The following NFIA variants were observed in gnomAD, a reference collection of about 807,000 sequenced individuals.
NFIA encodes the protein nuclear factor 1 A-type.
In NFIA, 8 loss-of-function variants were observed where a neutral mutation model predicts 62.8. The observed-to-expected ratio is 0.13, with a 90% CI of 0.07 to 0.23. NFIA has a LOEUF of 0.23. NFIA is among the 10% of genes least tolerant of loss of function. NFIA has a pLI of 1.00. For missense variants in NFIA, 410 were observed against 642.1 expected (o/e 0.64, Z 3.91); for synonymous variants, 235 against 238.1 (o/e 0.99, Z 0.12).
At chr1:61,085,665 G>A (rs1274230045) in intron 1 of NFIA, among the ~76,000 whole-genome samples, 1 of 151,894 alleles carries the variant, frequency 6.6e-6, no homozygotes, top group Non-Finnish European at 1.5e-5. Flanking sequence ...TTTAAATCAT[G>A]ACTTGAGAAA....
intron 2 of NFIA, among the ~76,000 whole-genome samples, chr1:61,128,158 C>T (rs1301925939): frequency 6.6e-6 from 1 of 151,790 alleles, no homozygotes; most frequent in East Asian, 1.9e-4. Context: ...CCTATGTTGC[C>T]CACGCTGGCT....
intron 1 of NFIA, among the ~76,000 whole-genome samples, chr1:61,084,385 T>C (rs1263319447): frequency 6.6e-6 from 1 of 152,166 alleles, no homozygotes. Flanking sequence ...AGGCCTAGCA[T>C]TAATAATGGA....
chr1:61,193,659 TG>T (rs1348953392), intron 2 of NFIA, among the ~76,000 whole-genome samples: 1 of 152,242 alleles, frequency 6.6e-6, no homozygotes, highest in African/African-American at 2.4e-5. Flanking sequence ...AGGTATATTT[TG>T]CTTCTACCAA....
chr1:61,396,131 C>A (rs939373216), intron 7 of NFIA, among the ~76,000 whole-genome samples: 1 of 152,136 alleles, frequency 6.6e-6, no homozygotes, highest in Non-Finnish European at 1.5e-5. Flanking sequence ...TATAATATGC[C>A]AGGTAGTGGC....
chr1:61,257,667 C>CCGGGGGA (rs1656497418), intron 2 of NFIA, among the ~76,000 whole-genome samples: 1 of 151,490 alleles, frequency 6.6e-6, no homozygotes, highest in Non-Finnish European at 1.5e-5. Flanking sequence ...AGCTTTTTCC[C>CCGGGGGA]CTCTCATGTT....
At chr1:61,386,875 C>T (rs1038063805) in intron 7 of NFIA, among the ~76,000 whole-genome samples, 10 of 152,246 alleles carry the variant, frequency 6.6e-5, no homozygotes, top group Non-Finnish European at 1.0e-4. Flanking sequence ...GCTGGAAGTC[C>T]AAGATTAAGG....
intron 2 of NFIA, among the ~76,000 whole-genome samples, chr1:61,090,291 T>TTA (rs1646298033): frequency 6.6e-6 from 1 of 152,228 alleles, no homozygotes; most frequent in Non-Finnish European, 1.5e-5. Flanking sequence ...ACCTTTTAGA[T>TTA]ATTTAGAAAA....
At chr1:61,260,761 T>C (rs989685338) in intron 2 of NFIA, among the ~76,000 whole-genome samples, 5 of 152,054 alleles carry the variant, frequency 3.3e-5, no homozygotes, top group African/African-American at 1.2e-4. Flanking sequence ...TTTGTATTTT[T>C]AGTAGAGACG....
chr1:61,185,496 T>TA (rs1486945448), intron 2 of NFIA, among the ~76,000 whole-genome samples: 2 of 152,148 alleles, frequency 1.3e-5, no homozygotes, highest in Non-Finnish European at 2.9e-5. Context: ...TCAAAGAAGT[T>TA]AGTTAGTTTA....
chr1:61,401,670 C>G (rs1665562771), intron 7 of NFIA, among the ~76,000 whole-genome samples: 1 of 152,190 alleles, frequency 6.6e-6, no homozygotes, highest in African/African-American at 2.4e-5. Flanking sequence ...GTCAGCCTAC[C>G]AGGGGCTCTT....
rs1397601096 is a variant in NFIA at position 61,307,206 on chromosome 1, G to C, written c.626-25306G>C. On this transcript the variant is annotated intron_variant, in intron 3 of 10. Transcript: ENST00000403491. ...CATATGTTGAAATCCTGACTCCATG[G>C]TGATGGTATTCAGAAGTGGGGCCTT... Among the ~76,000 whole-genome samples the C allele has an allele frequency of 2.0e-5, 3 of 152,142 alleles. No homozygotes were observed. In the East Asian group the frequency reaches 5.8e-4, roughly 29 times the overall value.
intron 2 of NFIA, among the ~76,000 whole-genome samples, chr1:61,133,654 A>G (rs1301964918): frequency 1.3e-5 from 2 of 152,208 alleles, no homozygotes; most frequent in African/African-American, 2.4e-5. Flanking sequence ...TCAAGAATAT[A>G]TTGTTGCTGA....
chr1:61,083,293 C>G (rs1339082030), intron 1 of NFIA, among the ~76,000 whole-genome samples: 3 of 152,142 alleles, frequency 2.0e-5, no homozygotes, highest in Non-Finnish European at 4.4e-5. Flanking sequence ...CCCGCACGCT[C>G]GGGCCGGCTG....
intron 2 of NFIA, among the ~76,000 whole-genome samples, chr1:61,184,108 G>A (rs1296765282): frequency 6.9e-6 from 1 of 144,264 alleles, no homozygotes; most frequent in Non-Finnish European, 1.5e-5. Context: ...AAGGTTTATG[G>A]GGGGGGGAAA....
intron 2 of NFIA, among the ~76,000 whole-genome samples, chr1:61,112,198 T>C (rs942013349): frequency 3.9e-5 from 6 of 152,112 alleles, no homozygotes; most frequent in African/African-American, 1.4e-4. Context: ...TTGAGCTGTG[T>C]CCTTTTAAAA....
intron 10 of NFIA, among the ~76,000 whole-genome samples, chr1:61,452,460 A>T (rs1013670233): frequency 1.3e-5 from 2 of 152,170 alleles, no homozygotes; most frequent in African/African-American, 4.8e-5. Flanking sequence ...AAATTATAGG[A>T]GTGAACAAGT....
intron 2 of NFIA, among the ~76,000 whole-genome samples, chr1:61,117,929 A>T (rs1365184962): frequency 6.6e-6 from 1 of 152,152 alleles, no homozygotes; most frequent in African/African-American, 2.4e-5. Context: ...CAAGCCTGTA[A>T]TCCCAGCACT....
intron 2 of NFIA, among the ~76,000 whole-genome samples, chr1:61,111,993 A>G (rs1646701182): frequency 6.6e-6 from 1 of 152,082 alleles, no homozygotes; most frequent in Non-Finnish European, 1.5e-5. Flanking sequence ...TTTTCTACCA[A>G]TGGAGAGGTT....
chr1:61,335,152 GACTC>G (rs1222521312), intron 4 of NFIA, among the ~76,000 whole-genome samples: 9 of 152,206 alleles, frequency 5.9e-5, no homozygotes, highest in Non-Finnish European at 1.0e-4. Context: ...ATCGCTCTGG[GACTC>G]ACTCACACAT....
Sources: allele counts gnomAD v4.1 joint callset (sites outside exome capture counted in the v4.1 genomes callset), GRCh38; gene constraint gnomAD v4.1.1; transcripts MANE v1.5; gene names NCBI Gene and HGNC (gene_info 2026-07-23, HGNC 2026-07-21).